The following TRAPPC11 variants were observed in gnomAD, a reference collection of about 807,000 sequenced individuals.
The protein encoded by TRAPPC11 is foie gras homolog.
TRAPPC11 carries 104 observed loss-of-function variants against 151.2 expected under a neutral mutation model. The observed-to-expected ratio is 0.69, with a 90% CI of 0.59 to 0.81. The LOEUF (loss-of-function observed/expected upper bound fraction) is 0.81. Among genes scored for constraint, TRAPPC11 ranks in the 30% least tolerant of loss-of-function variants. TRAPPC11 has a pLI of 0.00. For synonymous variants in TRAPPC11, 456 were observed against 472.3 expected (o/e 0.97, Z 0.45); for missense variants, 1,230 against 1,349.6 (o/e 0.91, Z 1.39).
At position 183,690,844 on chromosome 4, in the gene TRAPPC11, T is replaced by G. The variant is rs115241215; in HGVS notation, c.1894-472T>G. On this transcript the variant is annotated intron_variant, in intron 18 of 29. Coordinates refer to ENST00000334690, the MANE Select transcript of TRAPPC11 (RefSeq NM_021942.6). ...TTAGTCTAGTGTGATCGTACATGCC[T>G]ATGGTCCCAGCTACTTTGGAGGCTG... Among the ~76,000 whole-genome samples the G allele has an allele frequency of 5.6e-3, 859 of 152,264 alleles. 6 individuals are homozygous for G. Among genetic ancestry groups the G allele is most frequent in the African/African-American group, 0.02 (816 of 41,556 alleles).
intron 5 of TRAPPC11, among the ~76,000 whole-genome samples, chr4:183,669,724 C>T (rs1000799100): frequency 2.0e-5 from 3 of 152,138 alleles, no homozygotes; most frequent in Non-Finnish European, 2.9e-5. Flanking sequence ...CACTCTACAG[C>T]GTACAGGACA....
In TRAPPC11 at chr4:183,682,842, T is replaced by C. The variant is rs377594994; in HGVS notation, c.1207+17T>C. ...GAATACTAAGTAAATAATTTTTCCC[T>C]CTGTCCTTTCCTCTCAACCTCAAAA... On this transcript the variant is annotated intron_variant, in intron 11 of 29. Transcript: ENST00000334690. The C allele has an allele frequency of 3.2e-6, 5 of 1,565,302 alleles. No individual in the cohort carries two copies. The highest frequency in any genetic ancestry group is 4.4e-6 in the Non-Finnish European group (5 of 1,135,958).
intron 1 of TRAPPC11, among the ~76,000 whole-genome samples, chr4:183,660,013 C>T (rs1013941267): frequency 6.6e-6 from 1 of 152,200 alleles, no homozygotes; most frequent in Admixed American, 6.5e-5. Context: ...ACTTGATCTC[C>T]CATCCATTAT....
intron 1 of TRAPPC11, among the ~76,000 whole-genome samples, chr4:183,660,169 C>T (rs1734400045): frequency 6.6e-6 from 1 of 152,238 alleles, no homozygotes; most frequent in Non-Finnish European, 1.5e-5. Context: ...AATTCCTTTG[C>T]TGCAGAATAA....
chr4:183,661,423 G>A (rs535508375), intron 1 of TRAPPC11, among the ~76,000 whole-genome samples: 15 of 128,064 alleles, frequency 1.2e-4, no homozygotes, highest in East Asian at 1.0e-3. Context: ...CCAGGCTGGA[G>A]TGCAGTGGCG....
intron 19 of TRAPPC11, 85 bp downstream of exon 19, chr4:183,691,556 A>G (rs912396319): frequency 1.1e-6 from 1 of 904,974 alleles, no homozygotes; most frequent in Non-Finnish European, 1.5e-6. Flanking sequence ...AAGTTGATTA[A>G]GTAAAAAATG....
chr4:183,684,964 A>G, intron 15 of TRAPPC11, 120 bp from the exon 16 acceptor site: 6 of 1,295,170 alleles, frequency 4.6e-6, no homozygotes, highest in Non-Finnish European at 5.4e-6. Flanking sequence ...TGTGCAAATC[A>G]CTGTGCTTAG....
At chr4:183,704,945 A>C in intron 26 of TRAPPC11, 34 bp from the exon 27 acceptor site, 1 of 1,397,884 alleles carries the variant, frequency 7.2e-7, no homozygotes, top group Non-Finnish European at 9.9e-7. Context: ...AGATGTTTAA[A>C]AAGAGTTTAA....
In TRAPPC11 at chr4:183,684,353, C is replaced by T; in HGVS notation, c.1415C>T (p.Ala472Val). 6.2e-7 allele frequency: 1 copy of T among 1,613,044 alleles called. No homozygotes were observed. Among genetic ancestry groups the T allele is most frequent in the South Asian group, 1.1e-5 (1 of 91,046 alleles). The change falls in exon 14 of 30, where the codon GCT (alanine) becomes GTT (valine). Residue 472 changes from alanine (A) to valine (V), a missense_variant. Physicochemically the swap from Ala to Val is moderately conservative, Grantham distance 64 (BLOSUM62 0). Coordinates refer to ENST00000334690, the MANE Select transcript of TRAPPC11 (RefSeq NM_021942.6). ...TATTACGCAAAGGATTATACCAAAG[C>T]TTTGAAGTGAGTCCTGTTCACTATT... Reference protein sequence around the residue: ...EYYYAKDYTKALKLLDYVMCD... With the variant: ...EYYYAKDYTKVLKLLDYVMCD...
At chr4:183,680,985 G>A (rs1390471211) in intron 10 of TRAPPC11, among the ~76,000 whole-genome samples, 3 of 151,848 alleles carry the variant, frequency 2.0e-5, no homozygotes, top group Non-Finnish European at 4.4e-5. Context: ...GAGCCACCGC[G>A]CCTGGCCTCC....
chr4:183,693,214 G>A lies in TRAPPC11; in HGVS notation c.2237+67G>A. ...TATTTCTTTTGCTATTTTTTTTGGAGACAGAGTCTCTCTCTTGTCCAGGCT... is the reference window on the plus strand; with the variant it reads ...TATTTCTTTTGCTATTTTTTTTGGAAACAGAGTCTCTCTCTTGTCCAGGCT... On this transcript the variant is annotated intron_variant, in intron 20 of 29. Transcript: ENST00000334690. The A allele has an allele frequency of 2.8e-6, 4 of 1,429,240 alleles. No homozygotes were observed. In the South Asian group the frequency reaches 5.7e-5, roughly 20 times the overall value. 88.5% of individuals were successfully genotyped at this position (1,429,240 alleles called of 1,614,324 possible). A position where few individuals can be genotyped will look rare whatever the true frequency, so the allele number is the denominator to read the frequency against.
In TRAPPC11 at chr4:183,693,955, C is replaced by T. The variant is rs369402916; in HGVS notation, c.2425C>T (p.Leu809Phe). The T allele has an allele frequency of 3.1e-6, 5 of 1,613,780 alleles. No homozygotes were observed. In the African/African-American group the frequency reaches 4.0e-5, roughly 13 times the overall value. ...ANLTQKTHVT[L>F]HGTELCDESY... ...TTTAACTCAGAAGACTCACGTGACT[C>T]TTCATGGAACAGAACTGTGTGATGA... Residue 809 changes from leucine to phenylalanine, a missense_variant, in exon 22 of 30, where the codon CTT becomes TTT. Leu to Phe is a conservative substitution (Grantham distance 22). Coordinates refer to ENST00000334690, the MANE Select transcript of TRAPPC11 (RefSeq NM_021942.6).
Position 183,694,733 on chromosome 4 carries a change from T to C in TRAPPC11, c.2628+10T>C. 1 of 1,602,774 alleles carries C rather than the reference T, an allele frequency of 6.2e-7. No homozygotes were observed. Among genetic ancestry groups the C allele is most frequent in the Non-Finnish European group, 8.5e-7 (1 of 1,177,222 alleles). ...TTGCAAGTGTCACAAGGTATTTTTT[T>C]ATAGCTACTTTATAAAGCATCATAT... On this transcript the variant is annotated intron_variant, in intron 23 of 29. Coordinates refer to ENST00000334690, the MANE Select transcript of TRAPPC11 (RefSeq NM_021942.6).
intron 18 of TRAPPC11, 110 bp downstream of exon 18, chr4:183,686,858 A>T: frequency 7.6e-7 from 1 of 1,321,378 alleles, no homozygotes. Context: ...TCATAGTAAC[A>T]AATGAACTTT....
At chr4:183,663,758 GAC>G in intron 1 of TRAPPC11, 87 bp from the exon 2 acceptor site, 1 of 164,352 alleles carries the variant, frequency 6.1e-6, no homozygotes, top group Non-Finnish European at 1.2e-5. Context: ...TTTTTTTTGA[GAC>G]AGAGTTTTGC....
intron 9 of TRAPPC11, 110 bp from the exon 10 acceptor site, chr4:183,680,010 G>A (rs1735595468): frequency 2.4e-6 from 2 of 816,956 alleles, no homozygotes; most frequent in African/African-American, 1.7e-5. Context: ...TTCATCAATA[G>A]CACCATTTTA....
intron 22 of TRAPPC11, 61 bp from the exon 23 acceptor site, chr4:183,694,543 A>C (rs1290638925): frequency 2.7e-6 from 4 of 1,505,572 alleles, no homozygotes; most frequent in Non-Finnish European, 3.6e-6. Flanking sequence ...TTATCCTAGA[A>C]TATATATCAA....
chr4:183,663,736 G>GTGT, intron 1 of TRAPPC11, 111 bp from the exon 2 acceptor site: 2 of 387,674 alleles, frequency 5.2e-6, no homozygotes, highest in South Asian at 3.3e-5. Context: ...AATATGAGTT[G>GTGT]TTTTTTTTTT....
chr4:183,665,213 G>A (rs1031933042), intron 2 of TRAPPC11, among the ~76,000 whole-genome samples: 1 of 146,744 alleles, frequency 6.8e-6, no homozygotes, highest in Non-Finnish European at 1.5e-5. Context: ...TCCTGCTTCA[G>A]CCTCCCGAGT....
Sources: allele counts gnomAD v4.1 joint callset (sites outside exome capture counted in the v4.1 genomes callset), GRCh38; gene constraint gnomAD v4.1.1; transcripts MANE v1.5; gene names NCBI Gene and HGNC (gene_info 2026-07-23, HGNC 2026-07-21).